Variants in MAP1LC3B2 observed in about 807,000 individuals in gnomAD.
The protein encoded by MAP1LC3B2 is microtubule associated protein 1 light chain 3 beta 2.
For synonymous variants in MAP1LC3B2, 62 were observed against 57.8 expected (o/e 1.07, Z -0.33); for missense variants, 155 against 154.6 (o/e 1.00, Z -0.01).
intron 1 of MAP1LC3B2, among the ~76,000 whole-genome samples, chr12:116,571,239 C>T (rs760033762): frequency 5.9e-5 from 9 of 152,130 alleles, no homozygotes; most frequent in Non-Finnish European, 1.0e-4. Flanking sequence ...GTGGGAAACC[C>T]ACTCACGTCT....
Position 116,576,491 on chromosome 12 carries a change from A to G in MAP1LC3B2, c.*171A>G, listed in dbSNP as rs1047107973. On this transcript the variant is annotated 3_prime_UTR_variant, in exon 2 of 2. Coordinates refer to ENST00000556529, the MANE Select transcript of MAP1LC3B2 (RefSeq NM_001085481.3). ...GTTTGTGTTTCAAGCAGAAAAACTG[A>G]GCTCCAAGTGAGCACATTCAGCTTT... is the stretch of plus-strand genomic sequence containing the variant. The G allele has an allele frequency of 6.1e-5, 49 of 802,424 alleles. No individual in the cohort carries two copies. The highest frequency in any genetic ancestry group is 9.2e-5 in the Non-Finnish European group (47 of 512,384). 49.7% of individuals were successfully genotyped at this position (802,424 alleles called of 1,614,324 possible).
At chr12:116,567,301 CT>C (rs1227738402) in intron 1 of MAP1LC3B2, among the ~76,000 whole-genome samples, 1 of 152,028 alleles carries the variant, frequency 6.6e-6, no homozygotes, top group Non-Finnish European at 1.5e-5. Context: ...AGAAAGAAGT[CT>C]TTTTATTCCT....
At chr12:116,569,158 G>A (rs570121736) in intron 1 of MAP1LC3B2, among the ~76,000 whole-genome samples, 22 of 152,050 alleles carry the variant, frequency 1.4e-4, no homozygotes, top group Non-Finnish European at 2.9e-4. Flanking sequence ...TACCGCGCCC[G>A]GCCAATTTCT....
chr12:116,562,539 C>T lies in MAP1LC3B2; in HGVS notation c.-102+3106C>T, dbSNP rs74882810. Among the ~76,000 whole-genome samples the T allele has an allele frequency of 3.4e-3, 511 of 152,298 alleles. 14 individuals carry two copies. In the East Asian group the frequency reaches 0.073, roughly 22 times the overall value. On this transcript the variant is annotated intron_variant, in intron 1 of 1. Coordinates refer to ENST00000556529, the MANE Select transcript of MAP1LC3B2 (RefSeq NM_001085481.3). ...TCCATGTAGCCCTGGGAAGGTAGAACGATGATGTGCTTGGTGCATGCCTTG... is the reference window on the plus strand; with the variant it reads ...TCCATGTAGCCCTGGGAAGGTAGAATGATGATGTGCTTGGTGCATGCCTTG...
At chr12:116,575,590 C>T (rs1389869262) in intron 1 of MAP1LC3B2, among the ~76,000 whole-genome samples, 4 of 151,990 alleles carry the variant, frequency 2.6e-5, no homozygotes, top group Admixed American at 2.6e-4. Flanking sequence ...TAGAAGGCAC[C>T]CCAGTTAGGC....
At chr12:116,571,458 C>CTTTTTTTTTTTTTTTTTTTTTTT (rs71095564) in intron 1 of MAP1LC3B2, among the ~76,000 whole-genome samples, 1 of 48,104 alleles carries the variant, frequency 2.1e-5, no homozygotes, top group Non-Finnish European at 3.4e-5. Context: ...GACTGCTGTT[C>CTTTTTTTTTTTTTTTTTTTTTTT]TTTTTTTTTT....
intron 1 of MAP1LC3B2, among the ~76,000 whole-genome samples, chr12:116,571,865 G>A (rs1406733999): frequency 2.0e-5 from 3 of 151,066 alleles, no homozygotes; most frequent in Non-Finnish European, 4.4e-5. Context: ...AGTAATGTCC[G>A]CGAAGTTCCT....
chr12:116,565,753 C>A (rs1286546186), intron 1 of MAP1LC3B2, among the ~76,000 whole-genome samples: 10 of 152,156 alleles, frequency 6.6e-5, no homozygotes, highest in African/African-American at 2.4e-4. Flanking sequence ...AATGATTCTA[C>A]CAAGATGATA....
At chr12:116,572,520 A>G (rs1041422818) in intron 1 of MAP1LC3B2, among the ~76,000 whole-genome samples, 2 of 151,866 alleles carry the variant, frequency 1.3e-5, no homozygotes, top group Non-Finnish European at 2.9e-5. Context: ...TTCCGCCACT[A>G]CACCCGGCTA....
At chr12:116,565,138 G>T (rs1869357245) in intron 1 of MAP1LC3B2, among the ~76,000 whole-genome samples, 1 of 152,198 alleles carries the variant, frequency 6.6e-6, no homozygotes, top group Admixed American at 6.5e-5. Context: ...TCACCAAAAA[G>T]AAGTAATAGC....
At chr12:116,566,930 C>CAAAAAAAAAAAAAAAAAA (rs56405000) in intron 1 of MAP1LC3B2, among the ~76,000 whole-genome samples, 5 of 26,762 alleles carry the variant, frequency 1.9e-4, no homozygotes, top group East Asian at 1.1e-3. Flanking sequence ...GACTCTGTCT[C>CAAAAAAAAAAAAAAAAAA]AAAAAAAAAA....
rs1023301348 is a variant in MAP1LC3B2 at position 116,562,548 on chromosome 12, G to A, written c.-102+3115G>A. 5.3e-5 allele frequency among the ~76,000 whole-genome samples: 8 copies of A among 152,244 alleles called. No individual in the cohort carries two copies. The South Asian group carries it at 1.7e-3, about 31-fold the overall frequency. ...CCCTGGGAAGGTAGAACGATGATGT[G>A]CTTGGTGCATGCCTTGGGAAAGTCA... On this transcript the variant is annotated intron_variant, in intron 1 of 1. Transcript: ENST00000556529.
At chr12:116,560,201 T>TACATATAC (rs1566022530) in intron 1 of MAP1LC3B2, 12 of 23,522 alleles carry the variant, frequency 5.1e-4, no homozygotes, top group African/African-American at 1.7e-3. Flanking sequence ...TATATATATA[T>TACATATAC]ATATATATAT....
chr12:116,575,737 TG>T, intron 1 of MAP1LC3B2, 104 bp from the exon 2 acceptor site: 1 of 629,534 alleles, frequency 1.6e-6, no homozygotes, highest in Non-Finnish European at 2.7e-6. Context: ...TGTCAGCAGA[TG>T]TTTTCTGTAA....
chr12:116,575,925 G>C lies in MAP1LC3B2; in HGVS notation c.-18G>C, dbSNP rs7303998. 0.67 allele frequency: 1,085,189 copies of C among 1,613,678 alleles called. 373,536 individuals are homozygous for C. The highest frequency in any genetic ancestry group is 0.72 in the Non-Finnish European group (847,295 of 1,179,862). On this transcript the variant is annotated 5_prime_UTR_variant, in exon 2 of 2. Transcript: ENST00000556529. ...GGGACCCTCGCGTCGTCGCCGCCGC[G>C]GCCCAGATCCCCACACCATGCCGTC...
At chr12:116,575,288 A>G (rs773798736) in intron 1 of MAP1LC3B2, among the ~76,000 whole-genome samples, 21 of 152,228 alleles carry the variant, frequency 1.4e-4, no homozygotes, top group African/African-American at 1.9e-4. Flanking sequence ...TTGTAAATGA[A>G]GAAAACAGGA....
chr12:116,575,180 C>CA (rs112848522), intron 1 of MAP1LC3B2, among the ~76,000 whole-genome samples: 7,902 of 58,476 alleles, frequency 0.14, 512 homozygotes, highest in African/African-American at 0.29. Flanking sequence ...AACTCAGTCT[C>CA]AAAAAAAAAA....
At chr12:116,568,026 C>G (rs1226810828) in intron 1 of MAP1LC3B2, among the ~76,000 whole-genome samples, 1 of 152,124 alleles carries the variant, frequency 6.6e-6, no homozygotes, top group East Asian at 1.9e-4. Context: ...ATTTGTTGAA[C>G]GAAAGAATGA....
intron 1 of MAP1LC3B2, among the ~76,000 whole-genome samples, chr12:116,567,481 C>T (rs1271512667): frequency 5.1e-5 from 7 of 137,818 alleles, no homozygotes; most frequent in African/African-American, 1.9e-4. Context: ...GGCACGGTGG[C>T]TCACGCCTGT....
Sources: gnomAD v4.1 joint callset for allele counts (sites outside exome capture counted in the v4.1 genomes callset) on GRCh38, gnomAD v4.1.1 for gene constraint, MANE v1.5 for transcripts, NCBI Gene and HGNC (gene_info 2026-07-23, HGNC 2026-07-21) for gene names.